The following SCAPER variants were observed in gnomAD, a reference collection of about 807,000 sequenced individuals.
SCAPER encodes S-phase cyclin A associated protein in the ER, also known as S phase cyclin A-associated protein in the endoplasmic reticulum.
Under a neutral mutation model 182.2 loss-of-function variants are expected in SCAPER, and 98 were observed. That is an observed-to-expected ratio of 0.54 (90% CI 0.46 to 0.64). The LOEUF is 0.64. Ranked by LOEUF, SCAPER falls within the 30% of genes least tolerant of loss-of-function variation. SCAPER has a pLI of 0.00. For synonymous variants in SCAPER, 605 were observed against 564.6 expected (o/e 1.07, Z -1.01); for missense variants, 1,432 against 1,690.0 (o/e 0.85, Z 2.68).
At chr15:76,762,662 C>T (rs1225736152) in intron 14 of SCAPER, among the ~76,000 whole-genome samples, 2 of 152,050 alleles carry the variant, frequency 1.3e-5, no homozygotes, top group Non-Finnish European at 2.9e-5. Flanking sequence ...CCCCACTCTA[C>T]CTTAGTAACA....
chr15:76,514,970 T>C (rs1240661198), intron 23 of SCAPER, among the ~76,000 whole-genome samples: 18 of 152,184 alleles, frequency 1.2e-4, no homozygotes. Context: ...TACATAAATA[T>C]CTATGCTCAG....
At chr15:76,725,804 T>C (rs1197409291) in intron 17 of SCAPER, among the ~76,000 whole-genome samples, 2 of 151,822 alleles carry the variant, frequency 1.3e-5, no homozygotes, top group African/African-American at 4.8e-5. Context: ...AAGAATGAAG[T>C]TGAACCCTTA....
intron 4 of SCAPER, 106 bp downstream of exon 4, chr15:76,857,703 T>C (rs564718033): frequency 1.3e-6 from 1 of 745,756 alleles, no homozygotes; most frequent in Admixed American, 3.1e-5. Flanking sequence ...AATTTTTATT[T>C]AGATAAATAA....
At chr15:76,634,325 A>T (rs2053410530) in intron 21 of SCAPER, among the ~76,000 whole-genome samples, 1 of 151,706 alleles carries the variant, frequency 6.6e-6, no homozygotes, top group South Asian at 2.1e-4. Context: ...CGTCAGTCCC[A>T]ATGAGAGAAT....
chr15:76,728,485 A>G (rs1290214666), intron 17 of SCAPER, 110 bp downstream of exon 17: 6 of 1,418,570 alleles, frequency 4.2e-6, no homozygotes, highest in Middle Eastern at 1.8e-4. Context: ...CCTGGGGAAC[A>G]TCGCAAAACC....
Position 76,889,534 on chromosome 15 carries a change from A to G in SCAPER, c.-59-5658T>C, listed in dbSNP as rs558192901. ...AGGGGTCGCAATTCTAATCTCTGATAAAACAGACTTCAAACCAACACAGAT... is the reference window on the plus strand; with the variant it reads ...AGGGGTCGCAATTCTAATCTCTGATGAAACAGACTTCAAACCAACACAGAT... On this transcript the variant is annotated intron_variant, in intron 1 of 31. Transcript: ENST00000563290. Among the ~76,000 whole-genome samples, 19 of 152,350 alleles carry G rather than the reference A, an allele frequency of 1.2e-4. No individual in the cohort carries two copies. The South Asian group carries it at 3.9e-3, about 32-fold the overall frequency.
At chr15:76,640,451 G>A (rs372989517) in intron 21 of SCAPER, among the ~76,000 whole-genome samples, 2 of 152,314 alleles carry the variant, frequency 1.3e-5, no homozygotes, top group African/African-American at 4.8e-5. Context: ...TAAAAGAACA[G>A]ATTTTTGAGG....
chr15:76,635,137 T>A (rs1457665541), intron 21 of SCAPER, among the ~76,000 whole-genome samples: 1 of 152,162 alleles, frequency 6.6e-6, no homozygotes, highest in Non-Finnish European at 1.5e-5. Flanking sequence ...GGTAATTATT[T>A]ACCCAATTAT....
chr15:76,850,859 C>CAAAAAAAAAAAAAAAAAAA (rs59202490), intron 4 of SCAPER, among the ~76,000 whole-genome samples: 1 of 90,058 alleles, frequency 1.1e-5, no homozygotes, highest in Admixed American at 1.3e-4. Flanking sequence ...GACTCTGTCT[C>CAAAAAAAAAAAAAAAAAAA]AAAAAAAAAA....
At chr15:76,394,107 C>G (rs1198932014) in intron 27 of SCAPER, among the ~76,000 whole-genome samples, 1 of 152,126 alleles carries the variant, frequency 6.6e-6, no homozygotes, top group Non-Finnish European at 1.5e-5. Context: ...AGAAGAAAAG[C>G]AAAGGAAAAT....
intron 5 of SCAPER, among the ~76,000 whole-genome samples, chr15:76,807,918 C>A (rs2066293807): frequency 6.6e-6 from 1 of 152,006 alleles, no homozygotes; most frequent in Admixed American, 6.5e-5. Context: ...TTTCATTTTA[C>A]AAAAGGAATC....
chr15:76,690,663 A>G (rs548018066), intron 20 of SCAPER, among the ~76,000 whole-genome samples: 3 of 152,300 alleles, frequency 2.0e-5, no homozygotes, highest in Non-Finnish European at 4.4e-5. Context: ...ATTATTCTAA[A>G]ATAAAGTTCA....
intron 25 of SCAPER, among the ~76,000 whole-genome samples, chr15:76,442,082 T>C (rs1288088533): frequency 6.6e-6 from 1 of 152,146 alleles, no homozygotes; most frequent in African/African-American, 2.4e-5. Flanking sequence ...TAGATATATA[T>C]AGTATTTAGT....
Position 76,541,623 on chromosome 15 carries a change from T to C in SCAPER, c.2838+32535A>G, listed in dbSNP as rs140522818. Among the ~76,000 whole-genome samples the C allele has an allele frequency of 3.1e-4, 47 of 152,320 alleles. 1 individual carries two copies. In the East Asian group the frequency reaches 8.5e-3, roughly 28 times the overall value. On this transcript the variant is annotated intron_variant, in intron 23 of 31. Coordinates refer to ENST00000563290, the MANE Select transcript of SCAPER (RefSeq NM_020843.4). ...CACTTCTATAAATGACTCTATATGC[T>C]TCTTGTCATAAACACAGCGACAGCT...
intron 3 of SCAPER, among the ~76,000 whole-genome samples, chr15:76,858,459 TTC>T (rs963768547): frequency 6.6e-6 from 1 of 152,130 alleles, no homozygotes; most frequent in Admixed American, 6.6e-5. Flanking sequence ...AGAAATAAAA[TTC>T]TTTTTTTTTT....
chr15:76,690,780 G>A (rs539069073), intron 20 of SCAPER, among the ~76,000 whole-genome samples: 118 of 152,138 alleles, frequency 7.8e-4, no homozygotes, highest in African/African-American at 2.7e-3. Flanking sequence ...AGATAAGGCT[G>A]GAAAGAGCCC....
intron 25 of SCAPER, among the ~76,000 whole-genome samples, chr15:76,470,064 T>C (rs1033549158): frequency 2.0e-5 from 3 of 152,148 alleles, no homozygotes; most frequent in African/African-American, 7.2e-5. Flanking sequence ...TTATTGCTAT[T>C]CCCTCTCAAT....
At chr15:76,549,949 T>A (rs2045618019) in intron 23 of SCAPER, among the ~76,000 whole-genome samples, 1 of 151,534 alleles carries the variant, frequency 6.6e-6, no homozygotes, top group Non-Finnish European at 1.5e-5. Flanking sequence ...AAAAGCAAAA[T>A]CAGACAAACA....
chr15:76,661,245 G>C (rs2146695780), intron 21 of SCAPER, among the ~76,000 whole-genome samples: 1 of 152,120 alleles, frequency 6.6e-6, no homozygotes. Flanking sequence ...AATAGAGGCA[G>C]TACCTTTCAG....
Sources: gnomAD v4.1 joint callset for allele counts (sites outside exome capture counted in the v4.1 genomes callset) on GRCh38, gnomAD v4.1.1 for gene constraint, MANE v1.5 for transcripts, NCBI Gene and HGNC (gene_info 2026-07-23, HGNC 2026-07-21) for gene names.